SPATA17: variants seen among roughly 807,000 people sequenced by gnomAD.
SPATA17 encodes the protein spermatogenesis-associated protein 17.
A neutral mutation model predicts 62.2 loss-of-function variants in SPATA17; 53 were observed. The observed-to-expected ratio is 0.85, with a 90% CI of 0.68 to 1.07. SPATA17 has a LOEUF of 1.07. Ranked by LOEUF, SPATA17 falls within the 50% of genes least tolerant of loss-of-function variation. SPATA17 has a pLI of 0.00. For missense variants in SPATA17, 466 were observed against 425.5 expected, an observed-to-expected ratio of 1.10 and a Z score of -0.84; for synonymous variants, 146 against 146.8, an observed-to-expected ratio of 0.99 and a Z score of 0.04.
chr1:217,736,726 G>A (rs1300669250), intron 5 of SPATA17, among the ~76,000 whole-genome samples: 3 of 152,176 alleles, frequency 2.0e-5, no homozygotes, highest in Non-Finnish European at 4.4e-5. Flanking sequence ...GTTGTATTGT[G>A]CCAAATAGCT....
chr1:217,735,691 C>A (rs1350806262), intron 5 of SPATA17, among the ~76,000 whole-genome samples: 2 of 152,064 alleles, frequency 1.3e-5, no homozygotes, highest in Non-Finnish European at 2.9e-5. Context: ...TTGAGGGGAT[C>A]TATGAAGCCT....
intron 6 of SPATA17, among the ~76,000 whole-genome samples, chr1:217,744,818 G>C (rs967051429): frequency 6.6e-6 from 1 of 152,106 alleles, no homozygotes; most frequent in Admixed American, 6.5e-5. Context: ...ATTACCTTCA[G>C]TTTTCTAAGC....
At chr1:217,824,578 A>C (rs992858282) in intron 9 of SPATA17, among the ~76,000 whole-genome samples, 4 of 151,042 alleles carry the variant, frequency 2.6e-5, no homozygotes, top group African/African-American at 9.7e-5. Flanking sequence ...CTGTTATTGT[A>C]TATGTTTTTA....
rs571582237 is a variant in SPATA17 at position 217,832,005 on chromosome 1, C to A, written c.1005+30155C>A. Among the ~76,000 whole-genome samples, 70 of 152,134 alleles carry A rather than the reference C, an allele frequency of 4.6e-4. 1 individual carries two copies. The South Asian group carries it at 0.015, about 32-fold the overall frequency. On this transcript the variant is annotated intron_variant, in intron 9 of 10. Transcript: ENST00000366933. ...GAAATAAATAGAATTTGAAATTATA[C>A]CTGTTTGAATCTGAAGCTTCATTTA...
At chr1:217,704,230 CT>C (rs560591615) in intron 5 of SPATA17, among the ~76,000 whole-genome samples, 686 of 41,576 alleles carry the variant, frequency 0.016, 1 homozygote, top group African/African-American at 0.049. Flanking sequence ...TTCCCTCTAC[CT>C]TTTTTTTTTT....
At chr1:217,852,179 G>T (rs141366231) in intron 9 of SPATA17, among the ~76,000 whole-genome samples, 2 of 152,204 alleles carry the variant, frequency 1.3e-5, no homozygotes, top group African/African-American at 4.8e-5. Flanking sequence ...GTTAGTTATT[G>T]CCATCTTTAA....
In SPATA17 at chr1:217,786,750, TTTCTTCTTCTTCTTC is replaced by T. The variant is rs35648538; in HGVS notation, c.872+4477_872+4491del. Among the ~76,000 whole-genome samples, 210 of 107,542 alleles carry T rather than the reference TTTCTTCTTCTTCTTC, an allele frequency of 2.0e-3. 2 individuals are homozygous for T. Among genetic ancestry groups the T allele is most frequent in the African/African-American group, 6.6e-3 (187 of 28,202 alleles). 70.6% of individuals were successfully genotyped at this position (107,542 alleles called of 152,430 possible). A position where few individuals can be genotyped will look rare whatever the true frequency, so the allele number is the denominator to read the frequency against. ...AATGATAGAAGGATTTGATATTCTC[TTTCTTCTTCTTCTTC>T]TTCTTCTTCTTCTTCTTCTTCTTCT... On this transcript the variant is annotated intron_variant, in intron 8 of 10. Coordinates refer to ENST00000366933, the MANE Select transcript of SPATA17 (RefSeq NM_138796.4).
intron 3 of SPATA17, 65 bp from the exon 4 acceptor site, chr1:217,668,968 T>C (rs950280592): frequency 3.7e-6 from 5 of 1,347,742 alleles, no homozygotes; most frequent in Non-Finnish European, 4.2e-6. Flanking sequence ...CTTTTATATG[T>C]AAAAATAGGC....
At chr1:217,865,453 A>G (rs1027465894) in intron 10 of SPATA17, among the ~76,000 whole-genome samples, 1 of 152,294 alleles carries the variant, frequency 6.6e-6, no homozygotes, top group African/African-American at 2.4e-5. Flanking sequence ...TGAAAAATAC[A>G]CGGAACTAGA....
intron 5 of SPATA17, among the ~76,000 whole-genome samples, chr1:217,690,023 C>G (rs1349020507): frequency 1.3e-5 from 2 of 152,066 alleles, no homozygotes; most frequent in Non-Finnish European, 2.9e-5. Context: ...CCTGCCTCAG[C>G]CTCCGAGTAG....
At position 217,799,628 on chromosome 1, in the gene SPATA17, T is replaced by A. The variant is rs191824660; in HGVS notation, c.873-2090T>A. On this transcript the variant is annotated intron_variant, in intron 8 of 10. Coordinates refer to ENST00000366933, the MANE Select transcript of SPATA17 (RefSeq NM_138796.4). Reference sequence around the variant, plus strand: ...TTTTAAATAGTGTTAGAAAATATATTCTTAGGAAAAATATTAAGAATTAAT... The same window carrying A: ...TTTTAAATAGTGTTAGAAAATATATACTTAGGAAAAATATTAAGAATTAAT... 3.9e-5 allele frequency among the ~76,000 whole-genome samples: 6 copies of A among 152,128 alleles called. No homozygotes were observed. The East Asian group carries it at 1.2e-3, about 29-fold the overall frequency.
intron 5 of SPATA17, among the ~76,000 whole-genome samples, chr1:217,715,309 C>T (rs535840301): frequency 9.5e-4 from 144 of 152,248 alleles, no homozygotes; most frequent in African/African-American, 3.3e-3. Context: ...AGATAGGGAA[C>T]GTTATCTCAG....
intron 10 of SPATA17, among the ~76,000 whole-genome samples, chr1:217,866,034 G>C (rs1332922638): frequency 6.6e-6 from 1 of 152,244 alleles, no homozygotes; most frequent in East Asian, 1.9e-4. Flanking sequence ...ACTGGGAAAG[G>C]GGTTAAATGC....
intron 6 of SPATA17, among the ~76,000 whole-genome samples, chr1:217,770,228 C>G (rs145003906): frequency 6.6e-6 from 1 of 152,190 alleles, no homozygotes; most frequent in African/African-American, 2.4e-5. Context: ...AACTGTTTCT[C>G]TCTCGTGGTA....
At chr1:217,787,948 T>G (rs1311218130) in intron 8 of SPATA17, among the ~76,000 whole-genome samples, 1 of 152,186 alleles carries the variant, frequency 6.6e-6, no homozygotes, top group Non-Finnish European at 1.5e-5. Flanking sequence ...AGGGGAACAT[T>G]TCAAGGAATA....
intron 2 of SPATA17, among the ~76,000 whole-genome samples, chr1:217,649,934 CTT>C (rs771612819): frequency 6.6e-5 from 8 of 120,418 alleles, no homozygotes; most frequent in East Asian, 4.7e-4. Context: ...AGGCTTCTCT[CTT>C]TTTTTTTTTT....
At chr1:217,767,807 G>A (rs1673336083) in intron 6 of SPATA17, among the ~76,000 whole-genome samples, 1 of 152,140 alleles carries the variant, frequency 6.6e-6, no homozygotes, top group South Asian at 2.1e-4. Flanking sequence ...ATCCTGGCCT[G>A]ATAATTACAA....
intron 8 of SPATA17, among the ~76,000 whole-genome samples, chr1:217,790,486 G>T (rs961747900): frequency 4.6e-5 from 7 of 152,106 alleles, no homozygotes; most frequent in African/African-American, 7.2e-5. Flanking sequence ...TGTTGCCCAG[G>T]CTGGAGTGCA....
intron 5 of SPATA17, among the ~76,000 whole-genome samples, chr1:217,732,067 A>C (rs12120200): frequency 0.2 from 30,860 of 151,576 alleles, 3,282 homozygotes; most frequent in Middle Eastern, 0.26. Flanking sequence ...AGAATGGAGA[A>C]AGAAAATTAC....
Sources: gnomAD v4.1 joint callset for allele counts (sites outside exome capture counted in the v4.1 genomes callset) on GRCh38, gnomAD v4.1.1 for gene constraint, MANE v1.5 for transcripts, NCBI Gene and HGNC (gene_info 2026-07-23, HGNC 2026-07-21) for gene names.